The following KCNMB2 variants were observed in gnomAD, a reference collection of about 807,000 sequenced individuals.
The protein encoded by KCNMB2 is calcium-activated potassium channel subunit beta-2.
A neutral mutation model predicts 24.5 loss-of-function variants in KCNMB2; 9 were observed. The observed-to-expected ratio is 0.37, with a 90% CI of 0.22 to 0.64. The LOEUF is 0.64. Among genes scored for constraint, KCNMB2 ranks in the 30% least tolerant of loss-of-function variants. The pLI is 0.63. For missense variants in KCNMB2, 226 were observed against 284.3 expected (o/e 0.79, Z 1.47); for synonymous variants, 109 against 104.4 (o/e 1.04, Z -0.27).
At chr3:178,560,536 G>A (rs747016024) in intron 1 of KCNMB2, among the ~76,000 whole-genome samples, 3 of 152,246 alleles carry the variant, frequency 2.0e-5, no homozygotes, top group South Asian at 4.1e-4. Context: ...CCACTGAGCC[G>A]CACAAGCACA....
chr3:178,621,577 CTAGGTT>C (rs1451382333), intron 1 of KCNMB2, among the ~76,000 whole-genome samples: 1 of 152,086 alleles, frequency 6.6e-6, no homozygotes, highest in Non-Finnish European at 1.5e-5. Context: ...CCAGTCTAGA[CTAGGTT>C]TTCCTGTTTT....
chr3:178,604,981 A>C (rs1292091060), intron 1 of KCNMB2, among the ~76,000 whole-genome samples: 1 of 152,212 alleles, frequency 6.6e-6, no homozygotes, highest in Non-Finnish European at 1.5e-5. Context: ...GAAAGCTTAG[A>C]CAATATTCAA....
At chr3:178,782,097 A>G (rs1443577218) in intron 1 of KCNMB2, among the ~76,000 whole-genome samples, 3 of 117,352 alleles carry the variant, frequency 2.6e-5, no homozygotes, top group African/African-American at 9.4e-5. Context: ...AATTTCATCC[A>G]TGTCCCTACA....
intron 1 of KCNMB2, among the ~76,000 whole-genome samples, chr3:178,774,985 C>A (rs529385476): frequency 1.2e-4 from 19 of 152,120 alleles, no homozygotes; most frequent in African/African-American, 4.6e-4. Context: ...CCAAGCCTCC[C>A]AGAACCATCT....
At chr3:178,783,347 A>G (rs1414655104) in intron 1 of KCNMB2, among the ~76,000 whole-genome samples, 1 of 148,808 alleles carries the variant, frequency 6.7e-6, no homozygotes, top group Non-Finnish European at 1.5e-5. Flanking sequence ...TGGTAGCTTG[A>G]TGGGGATGGC....
At chr3:178,732,132 T>C (rs1231432276) in intron 1 of KCNMB2, among the ~76,000 whole-genome samples, 2 of 152,074 alleles carry the variant, frequency 1.3e-5, no homozygotes, top group South Asian at 2.1e-4. Flanking sequence ...TTAAGAAATA[T>C]AGAAAAAATT....
intron 1 of KCNMB2, among the ~76,000 whole-genome samples, chr3:178,648,069 A>G (rs1366868975): frequency 4.6e-5 from 7 of 152,160 alleles, no homozygotes; most frequent in Non-Finnish European, 1.0e-4. Context: ...ACTCTCATCA[A>G]GTGCATGCAG....
intron 1 of KCNMB2, among the ~76,000 whole-genome samples, chr3:178,797,102 G>A (rs185782242): frequency 9.2e-5 from 14 of 152,174 alleles, no homozygotes; most frequent in Admixed American, 3.3e-4. Context: ...AGACTACTAC[G>A]AGCAACTATA....
intron 1 of KCNMB2, among the ~76,000 whole-genome samples, chr3:178,794,949 C>A (rs1713477915): frequency 6.6e-6 from 1 of 152,050 alleles, no homozygotes; most frequent in African/African-American, 2.4e-5. Flanking sequence ...TGCTGGAATC[C>A]ACAGTGCCTA....
chr3:178,839,092 A>G (rs1715336326), intron 4 of KCNMB2, among the ~76,000 whole-genome samples: 1 of 152,160 alleles, frequency 6.6e-6, no homozygotes, highest in African/African-American at 2.4e-5. Flanking sequence ...GACAGTAAAA[A>G]GTCTATTGAG....
chr3:178,810,902 CTT>C (rs56925343), intron 2 of KCNMB2, among the ~76,000 whole-genome samples: 14,622 of 108,026 alleles, frequency 0.14, 474 homozygotes, highest in African/African-American at 0.23. Context: ...ACCTGGCTAA[CTT>C]TTTTTTTTTT....
In KCNMB2 at chr3:178,670,107, A is replaced by G. The variant is rs1461100168; in HGVS notation, c.-68+133396A>G. On this transcript the variant is annotated intron_variant, in intron 1 of 4. Transcript: ENST00000452583. Reference sequence around the variant, plus strand: ...ACAGGACTTACCATCCTCTTCTATTACCACTTATTGAGCCAGAAGCATCAT... The same window carrying G: ...ACAGGACTTACCATCCTCTTCTATTGCCACTTATTGAGCCAGAAGCATCAT... Among the ~76,000 whole-genome samples the G allele has an allele frequency of 2.6e-5, 4 of 152,308 alleles. No homozygotes were observed. The East Asian group carries it at 7.7e-4, about 29-fold the overall frequency.
chr3:178,799,915 A>G (rs1188781208), intron 1 of KCNMB2, among the ~76,000 whole-genome samples: 1 of 152,214 alleles, frequency 6.6e-6, no homozygotes, highest in Non-Finnish European at 1.5e-5. Context: ...TAGCAAGAAC[A>G]TATATTGGGG....
At position 178,570,515 on chromosome 3, in the gene KCNMB2, C is replaced by CTT. The variant is rs200106452; in HGVS notation, c.-68+33828_-68+33829dup. Among the ~76,000 whole-genome samples, 979 of 114,232 alleles carry CTT rather than the reference C, an allele frequency of 8.6e-3. 20 individuals are homozygous for CTT. Among genetic ancestry groups the CTT allele is most frequent in the African/African-American group, 0.028 (908 of 32,604 alleles). 74.9% of individuals were successfully genotyped at this position (114,232 alleles called of 152,430 possible). ...GAACATTGACCAAAGGTAATGATAC[C>CTT]TTTTTTTTTTTTTTTTTTTTTTTTT... On this transcript the variant is annotated intron_variant, in intron 1 of 4. Coordinates refer to ENST00000452583, the MANE Select transcript of KCNMB2 (RefSeq NM_181361.3).
chr3:178,701,395 C>T (rs1482092283), intron 1 of KCNMB2, among the ~76,000 whole-genome samples: 2 of 152,146 alleles, frequency 1.3e-5, no homozygotes, highest in Non-Finnish European at 2.9e-5. Context: ...TAGCCTGATG[C>T]CTCCAGCTTT....
intron 1 of KCNMB2, among the ~76,000 whole-genome samples, chr3:178,784,937 C>T (rs1275400524): frequency 2.7e-5 from 4 of 149,334 alleles, no homozygotes; most frequent in African/African-American, 9.9e-5. Context: ...TTAATGTTGG[C>T]ATCTGGCCCA....
intron 1 of KCNMB2, among the ~76,000 whole-genome samples, chr3:178,637,629 T>C (rs1719575375): frequency 6.6e-6 from 1 of 152,164 alleles, no homozygotes; most frequent in Admixed American, 6.5e-5. Context: ...TGAATGTAAA[T>C]GGTCTAACAC....
intron 1 of KCNMB2, among the ~76,000 whole-genome samples, chr3:178,677,234 G>T (rs1288480481): frequency 2.0e-5 from 3 of 152,162 alleles, no homozygotes; most frequent in African/African-American, 7.2e-5. Flanking sequence ...TTGACAGAGG[G>T]CTTCCTGACT....
chr3:178,737,985 A>T (rs2108374001), intron 1 of KCNMB2, among the ~76,000 whole-genome samples: 1 of 152,278 alleles, frequency 6.6e-6, no homozygotes, highest in Middle Eastern at 3.4e-3. Context: ...AATAGCTAAA[A>T]ATTGTCAATA....
Sources: allele counts gnomAD v4.1 joint callset (sites outside exome capture counted in the v4.1 genomes callset), GRCh38; gene constraint gnomAD v4.1.1; transcripts MANE v1.5; gene names NCBI Gene and HGNC (gene_info 2026-07-23, HGNC 2026-07-21).